Variants in VTI1A observed in about 807,000 individuals in gnomAD.
VTI1A encodes vesicle transport through interaction with t-SNAREs homolog 1A.
Under a neutral mutation model 34.9 loss-of-function variants are expected in VTI1A, and 22 were observed. That is an observed-to-expected ratio of 0.63 (90% confidence interval 0.45 to 0.90). The LOEUF is 0.90. Among genes scored for constraint, VTI1A ranks in the 40% least tolerant of loss-of-function variants. The pLI, the probability that VTI1A is intolerant of heterozygous loss-of-function variation, is 0.00. For synonymous variants in VTI1A, 87 were observed against 97.3 expected (o/e 0.89, Z 0.62); for missense variants, 268 against 275.6 (o/e 0.97, Z 0.20).
intron 3 of VTI1A, among the ~76,000 whole-genome samples, chr10:112,465,093 C>T (rs1036541982): frequency 6.6e-6 from 1 of 152,106 alleles, no homozygotes; most frequent in Admixed American, 6.5e-5. Flanking sequence ...ACTCCATAGA[C>T]TTTATTAGAT....
At chr10:112,576,023 T>C (rs1351610217) in intron 5 of VTI1A, among the ~76,000 whole-genome samples, 1 of 139,044 alleles carries the variant, frequency 7.2e-6, no homozygotes, top group East Asian at 2.0e-4. Flanking sequence ...TCTTTTCTTT[T>C]TTTTTTTTTT....
chr10:112,836,592 C>G, the VTI1A span, among the ~76,000 whole-genome samples: 1 of 152,220 alleles, frequency 6.6e-6, no homozygotes, highest in Non-Finnish European at 1.5e-5. Context: ...TTGGGGGCTT[C>G]AGCACAAACT....
At chr10:112,773,993 C>T (rs988428795) in intron 7 of VTI1A, among the ~76,000 whole-genome samples, 7 of 152,182 alleles carry the variant, frequency 4.6e-5, no homozygotes, top group African/African-American at 1.7e-4. Context: ...TTCTATCCAG[C>T]TCCCTTATTT....
chr10:112,626,806 G>A (rs1296743154), intron 5 of VTI1A, among the ~76,000 whole-genome samples: 1 of 152,130 alleles, frequency 6.6e-6, no homozygotes, highest in African/African-American at 2.4e-5. Context: ...GTTAAAATGG[G>A]TAAAGGCTTA....
chr10:112,631,682 T>C (rs184478106), intron 5 of VTI1A, among the ~76,000 whole-genome samples: 217 of 152,368 alleles, frequency 1.4e-3, no homozygotes, highest in African/African-American at 5.1e-3. Context: ...CGCAAACCTC[T>C]GAGCCTTATT....
rs1236181524 is a variant in VTI1A, at chr10:112,815,436, A to C, written c.*53A>C. On this transcript the variant is annotated 3_prime_UTR_variant, in exon 8 of 8. Transcript: ENST00000393077. ...AACAACAGCTTGTTCTGAGTAATTA[A>C]GACAAAATGGTCACATGAATCATTC... 37 of 1,482,774 alleles carry C rather than the reference A, an allele frequency of 2.5e-5. No homozygotes were observed. Among genetic ancestry groups the C allele is most frequent in the Admixed American group, 1.8e-4 (11 of 59,724 alleles). 91.9% of individuals were successfully genotyped at this position (1,482,774 alleles called of 1,614,324 possible).
chr10:112,496,122 C>G (rs1331842630), intron 3 of VTI1A, among the ~76,000 whole-genome samples: 1 of 144,196 alleles, frequency 6.9e-6, no homozygotes, highest in Non-Finnish European at 1.5e-5. Context: ...CTTTGGGAGG[C>G]CAGGCCTAAG....
intron 7 of VTI1A, among the ~76,000 whole-genome samples, chr10:112,768,881 G>C (rs914378687): frequency 6.6e-6 from 1 of 152,148 alleles, no homozygotes; most frequent in African/African-American, 2.4e-5. Flanking sequence ...GACAAACAGA[G>C]AATGGTACAG....
At chr10:112,599,143 G>C (rs779693767) in intron 5 of VTI1A, among the ~76,000 whole-genome samples, 1 of 152,166 alleles carries the variant, frequency 6.6e-6, no homozygotes. Context: ...CAGAGGTCCA[G>C]GGCCACTGTG....
At chr10:112,478,077 A>G (rs999301881) in intron 3 of VTI1A, among the ~76,000 whole-genome samples, 2 of 152,196 alleles carry the variant, frequency 1.3e-5, no homozygotes, top group Non-Finnish European at 2.9e-5. Flanking sequence ...TCATCTTTGT[A>G]TGATCCTGGG....
At chr10:112,718,948 G>A (rs1849701227) in intron 7 of VTI1A, among the ~76,000 whole-genome samples, 1 of 152,170 alleles carries the variant, frequency 6.6e-6, no homozygotes, top group African/African-American at 2.4e-5. Context: ...CAGAATTCTA[G>A]GAAAATGAGA....
intron 7 of VTI1A, among the ~76,000 whole-genome samples, chr10:112,770,105 G>A (rs984072148): frequency 6.6e-6 from 1 of 151,884 alleles, no homozygotes; most frequent in African/African-American, 2.4e-5. Flanking sequence ...CACATCTGCA[G>A]GCGGAATCTG....
intron 5 of VTI1A, among the ~76,000 whole-genome samples, chr10:112,628,918 A>G (rs568312372): frequency 6.6e-6 from 1 of 152,224 alleles, no homozygotes; most frequent in South Asian, 2.1e-4. Context: ...AGTTTTTTAG[A>G]TGAAATTTTT....
intron 7 of VTI1A, among the ~76,000 whole-genome samples, chr10:112,744,382 G>T (rs895018006): frequency 1.5e-4 from 22 of 151,114 alleles, no homozygotes; most frequent in African/African-American, 5.4e-4. Flanking sequence ...TGGTTATGGT[G>T]TTCTACCCCC....
At chr10:112,775,629 T>A (rs1375416340) in intron 7 of VTI1A, among the ~76,000 whole-genome samples, 1 of 152,230 alleles carries the variant, frequency 6.6e-6, no homozygotes, top group African/African-American at 2.4e-5. Flanking sequence ...TTCATTTTTA[T>A]CGTGTTGACT....
chr10:112,795,636 T>A (rs1852648407), intron 7 of VTI1A, among the ~76,000 whole-genome samples: 1 of 151,874 alleles, frequency 6.6e-6, no homozygotes, highest in South Asian at 2.1e-4. Context: ...GGTTTCACTA[T>A]ATATTGGCCA....
intron 3 of VTI1A, among the ~76,000 whole-genome samples, chr10:112,516,358 G>A (rs1453361156): frequency 6.6e-6 from 1 of 152,082 alleles, no homozygotes; most frequent in African/African-American, 2.4e-5. Flanking sequence ...GACTTATAAA[G>A]TTGGAGAGTG....
chr10:112,829,379 G>T, the VTI1A span, among the ~76,000 whole-genome samples: 1 of 150,768 alleles, frequency 6.6e-6, no homozygotes, highest in South Asian at 2.1e-4. Context: ...GGGAGGTGGA[G>T]CTTGCAGTGA....
chr10:112,488,410 C>G (rs1848716053), intron 3 of VTI1A, among the ~76,000 whole-genome samples: 1 of 152,168 alleles, frequency 6.6e-6, no homozygotes, highest in African/African-American at 2.4e-5. Context: ...GTCGAACTAT[C>G]ATTATAATGC....
Sources: gnomAD v4.1 joint callset for allele counts (sites outside exome capture counted in the v4.1 genomes callset) on GRCh38, gnomAD v4.1.1 for gene constraint, MANE v1.5 for transcripts, NCBI Gene and HGNC (gene_info 2026-07-23, HGNC 2026-07-21) for gene names.